Variants in CDYL observed in about 807,000 individuals in gnomAD.
CDYL encodes the protein chromodomain Y like.
CDYL carries 8 observed loss-of-function variants against 47.3 expected under a neutral mutation model. The ratio of observed to expected loss-of-function variants is 0.17; its 90% CI spans 0.10 to 0.31. The LOEUF (loss-of-function observed/expected upper bound fraction) is 0.31. Ranked by LOEUF, CDYL falls within the 10% of genes least tolerant of loss-of-function variation. The pLI is 1.00. For missense variants in CDYL, 471 were observed against 701.4 expected (o/e 0.67, Z 3.71); for synonymous variants, 266 against 265.0 (o/e 1.00, Z -0.04).
chr6:4,793,216 C>T (rs938875661), intron 1 of CDYL, among the ~76,000 whole-genome samples: 3 of 152,314 alleles, frequency 2.0e-5, no homozygotes, highest in East Asian at 1.9e-4. Context: ...GGTACTGCAT[C>T]GCGTTCATGG....
At chr6:4,900,797 A>ATC (rs1561697549) in intron 2 of CDYL, among the ~76,000 whole-genome samples, 9 of 71,874 alleles carry the variant, frequency 1.3e-4, no homozygotes, top group African/African-American at 5.3e-4. Flanking sequence ...ATATATATAT[A>ATC]TATATATATA....
chr6:4,710,374 AGGG>A (rs1757128224), intron 1 of CDYL, among the ~76,000 whole-genome samples: 1 of 132,184 alleles, frequency 7.6e-6, no homozygotes, highest in Non-Finnish European at 1.6e-5. Context: ...GGAGGGAGGG[AGGG>A]AGGGAAGGAA....
intron 1 of CDYL, among the ~76,000 whole-genome samples, chr6:4,796,132 C>A (rs1236633422): frequency 6.6e-6 from 1 of 152,076 alleles, no homozygotes; most frequent in African/African-American, 2.4e-5. Context: ...AGGGTTTCAC[C>A]ATGTTGGCCA....
At chr6:4,824,609 T>C (rs1451387556) in intron 1 of CDYL, among the ~76,000 whole-genome samples, 1 of 152,244 alleles carries the variant, frequency 6.6e-6, no homozygotes, top group Non-Finnish European at 1.5e-5. Flanking sequence ...TTATATATTC[T>C]GGTTATTAAG....
intron 1 of CDYL, among the ~76,000 whole-genome samples, chr6:4,844,644 A>G (rs1466458599): frequency 6.6e-6 from 1 of 152,206 alleles, no homozygotes; most frequent in East Asian, 1.9e-4. Flanking sequence ...ATAAAAGTAC[A>G]TACTTCTTAA....
chr6:4,711,489 T>C (rs1757151974), intron 1 of CDYL, among the ~76,000 whole-genome samples: 1 of 152,190 alleles, frequency 6.6e-6, no homozygotes, highest in African/African-American at 2.4e-5. Context: ...TTCTCAGTGA[T>C]AGGTCACTCA....
chr6:4,918,518 G>A (rs1030870869), intron 2 of CDYL, among the ~76,000 whole-genome samples: 3 of 152,054 alleles, frequency 2.0e-5, no homozygotes, highest in Non-Finnish European at 4.4e-5. Flanking sequence ...ATTTGCTTTA[G>A]GAATTTATCC....
intron 1 of CDYL, among the ~76,000 whole-genome samples, chr6:4,802,331 A>T (rs886432157): frequency 6.6e-6 from 1 of 152,158 alleles, no homozygotes; most frequent in Non-Finnish European, 1.5e-5. Context: ...TGAGGCCAGG[A>T]GTTTGAGACA....
intron 2 of CDYL, among the ~76,000 whole-genome samples, chr6:4,929,961 G>C (rs1411546599): frequency 6.6e-6 from 1 of 152,058 alleles, no homozygotes; most frequent in Non-Finnish European, 1.5e-5. Context: ...TAAAGTGTTA[G>C]ATTTGTTCTG....
chr6:4,879,177 C>T (rs1218483342), intron 1 of CDYL, among the ~76,000 whole-genome samples: 1 of 152,154 alleles, frequency 6.6e-6, no homozygotes, highest in East Asian at 1.9e-4. Context: ...TTGGATATAA[C>T]ATTTTGTAAA....
At chr6:4,743,374 C>G (rs1421659342) in intron 3 of CDYL, among the ~76,000 whole-genome samples, 3 of 152,198 alleles carry the variant, frequency 2.0e-5, no homozygotes, top group African/African-American at 7.2e-5. Context: ...AGAGTCTAAT[C>G]TTTACAAAGC....
At chr6:4,726,996 C>T (rs1757526022) in intron 2 of CDYL, among the ~76,000 whole-genome samples, 1 of 152,098 alleles carries the variant, frequency 6.6e-6, no homozygotes, top group South Asian at 2.1e-4. Flanking sequence ...GTCTCCCCAC[C>T]CTCAAACTCT....
chr6:4,802,935 C>G (rs1288192657), intron 1 of CDYL, among the ~76,000 whole-genome samples: 1 of 152,106 alleles, frequency 6.6e-6, no homozygotes, highest in Non-Finnish European at 1.5e-5. Flanking sequence ...CAAGGGCTGT[C>G]CTCCCATTCC....
At chr6:4,866,973 C>T (rs1233762545) in intron 1 of CDYL, among the ~76,000 whole-genome samples, 8 of 151,902 alleles carry the variant, frequency 5.3e-5, no homozygotes, top group Non-Finnish European at 1.0e-4. Flanking sequence ...TTCAAGCTAT[C>T]ATGAAAAGCT....
chr6:4,822,235 G>A (rs1451977731), intron 1 of CDYL, among the ~76,000 whole-genome samples: 2 of 152,030 alleles, frequency 1.3e-5, no homozygotes, highest in Non-Finnish European at 2.9e-5. Flanking sequence ...CTGGGCTCAG[G>A]TGATTCACCC....
chr6:4,934,510 T>C (rs1758128886), intron 2 of CDYL, among the ~76,000 whole-genome samples: 1 of 152,232 alleles, frequency 6.6e-6, no homozygotes, highest in African/African-American at 2.4e-5. Flanking sequence ...TTCATAATTC[T>C]TCATGCTCCG....
chr6:4,841,720 G>A (rs1581204836), intron 1 of CDYL, among the ~76,000 whole-genome samples: 1 of 151,944 alleles, frequency 6.6e-6, no homozygotes, highest in African/African-American at 2.4e-5. Context: ...CCTTTTTGGA[G>A]TTGATTTCCA....
intron 3 of CDYL, among the ~76,000 whole-genome samples, chr6:4,744,246 A>C (rs1757848960): frequency 1.3e-5 from 2 of 152,108 alleles, no homozygotes; most frequent in Non-Finnish European, 1.5e-5. Flanking sequence ...CAATCCCAGC[A>C]CTCTGGGAGG....
chr6:4,735,154 C>T (rs554509245), intron 3 of CDYL, among the ~76,000 whole-genome samples: 5 of 152,066 alleles, frequency 3.3e-5, no homozygotes, highest in African/African-American at 4.8e-5. Flanking sequence ...GGCGTGGTGG[C>T]GCATGCCTGT....
Sources: allele counts gnomAD v4.1 joint callset (sites outside exome capture counted in the v4.1 genomes callset), GRCh38; gene constraint gnomAD v4.1.1; transcripts MANE v1.5; gene names NCBI Gene and HGNC (gene_info 2026-07-23, HGNC 2026-07-21).